Variants in CLASP2 observed in about 807,000 individuals in gnomAD.
CLASP2 encodes CLIP-associating protein 2.
In CLASP2, 47 loss-of-function variants were observed where a neutral mutation model predicts 194.4. The ratio of observed to expected loss-of-function variants is 0.24; its 90% confidence interval spans 0.19 to 0.31. The LOEUF (loss-of-function observed/expected upper bound fraction) is 0.31. Ranked by LOEUF, CLASP2 falls within the 10% of genes least tolerant of loss-of-function variation. The probability of loss-of-function intolerance (pLI) is 1.00; values close to 1 mark genes in which losing one functional copy is unlikely to be tolerated. For missense variants in CLASP2, 1,445 were observed against 1,823.6 expected (o/e 0.79, Z 3.78); for synonymous variants, 619 against 633.5 (o/e 0.98, Z 0.34).
At chr3:33,635,487 C>T (rs755122707) in intron 8 of CLASP2, among the ~76,000 whole-genome samples, 2 of 152,064 alleles carry the variant, frequency 1.3e-5, no homozygotes, top group Non-Finnish European at 2.9e-5. Flanking sequence ...GGGCTACTTA[C>T]GCTATCAGAC....
chr3:33,508,286 T>C (rs4679047), intron 37 of CLASP2, among the ~76,000 whole-genome samples: 35,503 of 151,978 alleles, frequency 0.23, 4,622 homozygotes, highest in Admixed American at 0.36. Context: ...CCCAAAGTGC[T>C]AGGATTACAG....
chr3:33,657,889 A>C (rs922274367), intron 7 of CLASP2, among the ~76,000 whole-genome samples: 4 of 152,178 alleles, frequency 2.6e-5, no homozygotes, highest in African/African-American at 9.6e-5. Context: ...ATTACTTCTT[A>C]GAAGAGTTCA....
chr3:33,693,179 G>A (rs1467469806), intron 2 of CLASP2, among the ~76,000 whole-genome samples: 3 of 151,728 alleles, frequency 2.0e-5, no homozygotes, highest in Non-Finnish European at 2.9e-5. Context: ...TTAATACTAT[G>A]TATATAGATC....
At chr3:33,521,213 C>T (rs2052984936) in intron 34 of CLASP2, among the ~76,000 whole-genome samples, 1 of 151,936 alleles carries the variant, frequency 6.6e-6, no homozygotes, top group Admixed American at 6.6e-5. Flanking sequence ...AATAAATTTT[C>T]TAGAATAGAA....
At chr3:33,622,609 A>G (rs992118959) in intron 10 of CLASP2, among the ~76,000 whole-genome samples, 2 of 152,076 alleles carry the variant, frequency 1.3e-5, no homozygotes, top group Non-Finnish European at 2.9e-5. Flanking sequence ...CAGTGTGATA[A>G]TAGGGAGTTT....
At chr3:33,685,405 T>A (rs1482018315) in intron 5 of CLASP2, among the ~76,000 whole-genome samples, 5 of 135,090 alleles carry the variant, frequency 3.7e-5, no homozygotes, top group East Asian at 2.4e-4. Flanking sequence ...CAACTGCCAA[T>A]AATTATATTA....
intron 7 of CLASP2, among the ~76,000 whole-genome samples, chr3:33,654,074 C>T (rs557704593): frequency 6.7e-6 from 1 of 150,292 alleles, no homozygotes; most frequent in South Asian, 2.1e-4. Flanking sequence ...AAGAATAACA[C>T]CGTTAACACC....
At chr3:33,627,107 C>T in intron 9 of CLASP2, 27 bp from the exon 10 acceptor site, 1 of 1,305,676 alleles carries the variant, frequency 7.7e-7, no homozygotes. Flanking sequence ...AGAATTATAA[C>T]AATGTTTCTT....
At chr3:33,658,836 A>T in intron 7 of CLASP2, 1 of 704,484 alleles carries the variant, frequency 1.4e-6, no homozygotes, top group Non-Finnish European at 2.3e-6. Flanking sequence ...AAATGTACAC[A>T]CAAGTGTACA....
At chr3:33,639,326 G>A (rs1257605964) in intron 8 of CLASP2, among the ~76,000 whole-genome samples, 1 of 152,234 alleles carries the variant, frequency 6.6e-6, no homozygotes, top group East Asian at 1.9e-4. Flanking sequence ...CCCAAGTGCT[G>A]GTATTACAGG....
intron 1 of CLASP2, among the ~76,000 whole-genome samples, chr3:33,699,828 G>T (rs2092241836): frequency 6.8e-6 from 1 of 147,530 alleles, no homozygotes; most frequent in Non-Finnish European, 1.5e-5. Context: ...CTGACCACAG[G>T]TAAGTGAAAC....
intron 19 of CLASP2, 56 bp from the exon 20 acceptor site, chr3:33,595,024 G>C: frequency 8.5e-7 from 1 of 1,172,064 alleles, no homozygotes; most frequent in Non-Finnish European, 1.2e-6. Context: ...TTGATATTAA[G>C]ACCTACCTCA....
At chr3:33,566,321 A>G (rs907926882) in intron 27 of CLASP2, among the ~76,000 whole-genome samples, 3 of 152,234 alleles carry the variant, frequency 2.0e-5, no homozygotes, top group African/African-American at 4.8e-5. Context: ...CAGGGGTTAA[A>G]TGTTTTTTTA....
Position 33,540,362 on chromosome 3 carries a change from A to C in CLASP2, c.3405-1420T>G, listed in dbSNP as rs138175947. On this transcript the variant is annotated intron_variant, in intron 32 of 38. Transcript: ENST00000682230. ...AATAATCATCCTGCATCAGCCTATC[A>C]AGTTGCTAGGACTACAAACACACAC... 8.6e-5 allele frequency among the ~76,000 whole-genome samples: 13 copies of C among 151,730 alleles called. No individual in the cohort carries two copies. In the East Asian group the frequency reaches 2.5e-3, roughly 29 times the overall value.
At chr3:33,595,658 T>C (rs1015311561) in intron 19 of CLASP2, among the ~76,000 whole-genome samples, 1 of 152,024 alleles carries the variant, frequency 6.6e-6, no homozygotes, top group African/African-American at 2.4e-5. Flanking sequence ...ACACATCATA[T>C]AACAGTAGTG....
intron 23 of CLASP2, among the ~76,000 whole-genome samples, chr3:33,577,879 A>G (rs897493751): frequency 6.6e-6 from 1 of 152,186 alleles, no homozygotes; most frequent in African/African-American, 2.4e-5. Context: ...TGAACAAAGG[A>G]ATGGGTCCTC....
At chr3:33,538,744 T>G in intron 33 of CLASP2, 45 bp downstream of exon 33, 1 of 1,424,954 alleles carries the variant, frequency 7.0e-7, no homozygotes, top group African/African-American at 1.5e-5. Flanking sequence ...AAATTATTAA[T>G]GAACAATAAA....
At chr3:33,512,967 G>T (rs1192289367) in intron 36 of CLASP2, among the ~76,000 whole-genome samples, 1 of 152,092 alleles carries the variant, frequency 6.6e-6, no homozygotes, top group Non-Finnish European at 1.5e-5. Context: ...CTCCAGCCAG[G>T]GCGACAGAGT....
At chr3:33,508,891 C>T (rs1321192247) in intron 37 of CLASP2, among the ~76,000 whole-genome samples, 8 of 152,146 alleles carry the variant, frequency 5.3e-5, no homozygotes, top group Admixed American at 4.6e-4. Flanking sequence ...TTCTTTTTGA[C>T]CCTCAAACAT....
Sources: gnomAD v4.1 joint callset for allele counts (sites outside exome capture counted in the v4.1 genomes callset) on GRCh38, gnomAD v4.1.1 for gene constraint, MANE v1.5 for transcripts, NCBI Gene and HGNC (gene_info 2026-07-23, HGNC 2026-07-21) for gene names.